The following CNTNAP2 variants were observed in gnomAD, a reference collection of about 807,000 sequenced individuals.
The protein encoded by CNTNAP2 is contactin-associated protein-like 2.
CNTNAP2 carries 98 observed loss-of-function variants against 155.2 expected under a neutral mutation model. The observed-to-expected ratio is 0.63, with a 90% CI of 0.54 to 0.75. The LOEUF is 0.75. Ranked by LOEUF, CNTNAP2 falls within the 30% of genes least tolerant of loss-of-function variation. CNTNAP2 has a pLI of 0.00. For missense variants in CNTNAP2, 1,727 were observed against 1,688.1 expected (o/e 1.02, Z -0.40); for synonymous variants, 651 against 631.2 (o/e 1.03, Z -0.47).
rs555632122 is a variant in CNTNAP2, at chr7:147,025,110, C to T, written c.403-18797C>T. Among the ~76,000 whole-genome samples the T allele has an allele frequency of 2.3e-3, 344 of 150,646 alleles. 1 individual carries two copies. The highest frequency in any genetic ancestry group is 8.0e-3 in the African/African-American group (328 of 40,944). On this transcript the variant is annotated intron_variant, in intron 3 of 23. Transcript: ENST00000361727. The stretch of plus-strand genomic sequence containing the variant: ...GCCAGCCTGACTTACATGGTGAAAC[C>T]CCATCTCTACTAAAAATACCAAAAA...
intron 3 of CNTNAP2, among the ~76,000 whole-genome samples, chr7:147,040,451 ATTTTTTTTTT>A (rs34880534): frequency 3.7e-5 from 3 of 80,830 alleles, no homozygotes; most frequent in African/African-American, 1.1e-4. Flanking sequence ...TTAAGAGTGA[ATTTTTTTTTT>A]TTTTTTTTTT....
chr7:146,334,929 T>C (rs1801249909), intron 1 of CNTNAP2, among the ~76,000 whole-genome samples: 1 of 152,198 alleles, frequency 6.6e-6, no homozygotes, highest in Non-Finnish European at 1.5e-5. Context: ...CAAAATGTTA[T>C]ACAGTTTTCA....
intron 8 of CNTNAP2, among the ~76,000 whole-genome samples, chr7:147,188,531 A>T (rs911240250): frequency 6.6e-6 from 1 of 152,234 alleles, no homozygotes. Flanking sequence ...AGAAAGCACC[A>T]GATTGGGCTT....
chr7:146,991,436 C>T (rs1173278767), intron 3 of CNTNAP2, among the ~76,000 whole-genome samples: 3 of 152,108 alleles, frequency 2.0e-5, no homozygotes, highest in African/African-American at 7.2e-5. Context: ...CATGTGGTAA[C>T]ATATTTATGC....
intron 15 of CNTNAP2, among the ~76,000 whole-genome samples, chr7:148,021,348 GAC>G (rs1322447478): frequency 1.3e-5 from 2 of 152,194 alleles, no homozygotes; most frequent in Non-Finnish European, 2.9e-5. Flanking sequence ...TTAGAAGGAA[GAC>G]ACAGTCTTGT....
intron 4 of CNTNAP2, among the ~76,000 whole-genome samples, chr7:147,101,075 C>A (rs1800642692): frequency 6.6e-6 from 1 of 152,000 alleles, no homozygotes; most frequent in African/African-American, 2.4e-5. Context: ...GTGAGCATAG[C>A]CCGAGGAAAG....
At chr7:148,223,260 C>T (rs1795784934) in intron 19 of CNTNAP2, among the ~76,000 whole-genome samples, 1 of 152,136 alleles carries the variant, frequency 6.6e-6, no homozygotes, top group Admixed American at 6.5e-5. Flanking sequence ...AACTCCTATT[C>T]CACTTACTTT....
chr7:148,183,203 A>G (rs1376542777), intron 18 of CNTNAP2, among the ~76,000 whole-genome samples: 1 of 152,218 alleles, frequency 6.6e-6, no homozygotes, highest in African/African-American at 2.4e-5. Context: ...GAAACAAGCC[A>G]GAAGGCCGAG....
At chr7:147,681,304 C>T (rs1047307049) in intron 13 of CNTNAP2, among the ~76,000 whole-genome samples, 3 of 151,880 alleles carry the variant, frequency 2.0e-5, no homozygotes, top group South Asian at 2.1e-4. Context: ...AAAATGGTGC[C>T]GTCCTTTAGT....
chr7:147,707,121 T>C (rs1796327789), intron 13 of CNTNAP2, among the ~76,000 whole-genome samples: 2 of 152,090 alleles, frequency 1.3e-5, no homozygotes, highest in African/African-American at 4.8e-5. Flanking sequence ...AAGGATTTCA[T>C]AAACTTACTT....
intron 1 of CNTNAP2, among the ~76,000 whole-genome samples, chr7:146,395,414 C>T (rs2372492): frequency 0.36 from 55,324 of 151,682 alleles, 10,774 homozygotes; most frequent in African/African-American, 0.49. Context: ...GTTAGTACTG[C>T]GTACACATTA....
chr7:148,373,218 G>A (rs1798922397), intron 21 of CNTNAP2, among the ~76,000 whole-genome samples: 1 of 152,194 alleles, frequency 6.6e-6, no homozygotes, highest in Non-Finnish European at 1.5e-5. Flanking sequence ...AGGACTTTGG[G>A]AGGCTGAGGC....
chr7:146,207,630 G>C (rs936865935), intron 1 of CNTNAP2, among the ~76,000 whole-genome samples: 14 of 135,298 alleles, frequency 1.0e-4, no homozygotes, highest in Non-Finnish European at 1.9e-4. Flanking sequence ...AAACAGAACA[G>C]GACTGTGTTT....
At position 147,062,401 on chromosome 7, in the gene CNTNAP2, C is replaced by A. The variant is rs563270624; in HGVS notation, c.550+18347C>A. 5.9e-5 allele frequency among the ~76,000 whole-genome samples: 9 copies of A among 151,992 alleles called. No individual in the cohort carries two copies. The East Asian group carries it at 1.5e-3, about 26-fold the overall frequency. On this transcript the variant is annotated intron_variant, in intron 4 of 23. Coordinates refer to ENST00000361727, the MANE Select transcript of CNTNAP2 (RefSeq NM_014141.6). ...TTTAGTTTAGAGCAGAGTATGCATG[C>A]ACAGGGATTATTTGTGGTAACCATA...
At chr7:146,368,284 T>C (rs762106030) in intron 1 of CNTNAP2, among the ~76,000 whole-genome samples, 6 of 152,166 alleles carry the variant, frequency 3.9e-5, no homozygotes, top group Non-Finnish European at 7.4e-5. Context: ...GTATTATATA[T>C]ATTTTCACAC....
chr7:148,043,186 C>A (rs1484812391), intron 15 of CNTNAP2, among the ~76,000 whole-genome samples: 1 of 152,164 alleles, frequency 6.6e-6, no homozygotes, highest in Non-Finnish European at 1.5e-5. Context: ...AAATATGTTG[C>A]TAAACCACTT....
intron 3 of CNTNAP2, among the ~76,000 whole-genome samples, chr7:146,893,153 G>C (rs931849764): frequency 6.6e-6 from 1 of 151,966 alleles, no homozygotes; most frequent in African/African-American, 2.4e-5. Flanking sequence ...GAAGAAAGAA[G>C]GCATTTTGCC....
intron 15 of CNTNAP2, among the ~76,000 whole-genome samples, chr7:148,039,285 G>C (rs114682758): frequency 6.6e-6 from 1 of 152,310 alleles, no homozygotes; most frequent in South Asian, 2.1e-4. Flanking sequence ...AGGAGAAGGA[G>C]AGTGTCAGCG....
intron 9 of CNTNAP2, among the ~76,000 whole-genome samples, chr7:147,354,050 G>T (rs1432007276): frequency 1.3e-5 from 2 of 151,730 alleles, no homozygotes; most frequent in Non-Finnish European, 2.9e-5. Flanking sequence ...TTATCATATG[G>T]ATAGATTGCA....
Sources: allele counts gnomAD v4.1 joint callset (sites outside exome capture counted in the v4.1 genomes callset), GRCh38; gene constraint gnomAD v4.1.1; transcripts MANE v1.5; gene names NCBI Gene and HGNC (gene_info 2026-07-23, HGNC 2026-07-21).